The following LDLRAD4 variants were observed in gnomAD, a reference collection of about 807,000 sequenced individuals.
LDLRAD4 encodes the protein low-density lipoprotein receptor class A domain-containing protein 4.
Under a neutral mutation model 17.0 loss-of-function variants are expected in LDLRAD4, and 5 were observed. The ratio of observed to expected loss-of-function variants is 0.29; its 90% CI spans 0.15 to 0.62. LDLRAD4 has a LOEUF of 0.62. Among genes scored for constraint, LDLRAD4 ranks in the 20% least tolerant of loss-of-function variants. LDLRAD4 has a pLI of 0.84. For synonymous variants in LDLRAD4, 168 were observed against 171.8 expected (o/e 0.98, Z 0.17); for missense variants, 340 against 424.7 (o/e 0.80, Z 1.75).
intron 3 of LDLRAD4, among the ~76,000 whole-genome samples, chr18:13,481,748 G>A (rs1185301190): frequency 6.6e-6 from 1 of 152,214 alleles, no homozygotes; most frequent in African/African-American, 2.4e-5. Flanking sequence ...ATCCAGGCAG[G>A]GCAGCCATGT....
intron 3 of LDLRAD4, among the ~76,000 whole-genome samples, chr18:13,573,938 A>G (rs1248858252): frequency 2.0e-5 from 3 of 152,168 alleles, no homozygotes; most frequent in Non-Finnish European, 2.9e-5. Context: ...CTGGTCAGGA[A>G]CCTCATGAAA....
chr18:13,379,522 G>A (rs1015200757), intron 1 of LDLRAD4, among the ~76,000 whole-genome samples: 1 of 152,226 alleles, frequency 6.6e-6, no homozygotes, highest in African/African-American at 2.4e-5. Flanking sequence ...ACAAGGATCT[G>A]GGCCCCATGG....
At chr18:13,493,827 C>T (rs2093407304) in intron 3 of LDLRAD4, among the ~76,000 whole-genome samples, 1 of 152,204 alleles carries the variant, frequency 6.6e-6, no homozygotes, top group African/African-American at 2.4e-5. Context: ...CCGTGCCGTC[C>T]CTGCCTCCAG....
chr18:13,277,889 G>T (rs2044991097), upstream of LDLRAD4, among the ~76,000 whole-genome samples: 1 of 152,164 alleles, frequency 6.6e-6, no homozygotes, highest in African/African-American at 2.4e-5. Context: ...GGAGGCAGAG[G>T]GGGATTTTGT....
chr18:13,264,940 A>G (rs1034086690), intron 1 of LDLRAD4, among the ~76,000 whole-genome samples: 2 of 152,138 alleles, frequency 1.3e-5, no homozygotes, highest in African/African-American at 4.8e-5. Flanking sequence ...GACGTTGGCA[A>G]ATTGATCTGT....
intron 1 of LDLRAD4, among the ~76,000 whole-genome samples, chr18:13,270,696 G>A (rs1022601642): frequency 1.3e-5 from 2 of 152,202 alleles, no homozygotes; most frequent in Non-Finnish European, 2.9e-5. Context: ...GTTGTGCTGC[G>A]AGGGATCCTT....
chr18:13,230,635 G>A (rs2042023761), intron 1 of LDLRAD4, among the ~76,000 whole-genome samples: 1 of 151,950 alleles, frequency 6.6e-6, no homozygotes, highest in South Asian at 2.1e-4. Flanking sequence ...ACAGGGGGAG[G>A]GCAGGGCGGG....
At chr18:13,605,960 G>A (rs932669426) in intron 3 of LDLRAD4, among the ~76,000 whole-genome samples, 8 of 152,128 alleles carry the variant, frequency 5.3e-5, no homozygotes, top group Admixed American at 5.2e-4. Flanking sequence ...GTCTGGGCGG[G>A]GCTCAAGATC....
chr18:13,388,725 C>CT (rs1289044684), intron 2 of LDLRAD4, among the ~76,000 whole-genome samples: 2 of 152,220 alleles, frequency 1.3e-5, no homozygotes, highest in Non-Finnish European at 2.9e-5. Flanking sequence ...GCCTTGCACT[C>CT]CTCCGCAGTC....
chr18:13,643,445 G>A, intron 5 of LDLRAD4, 33 bp downstream of exon 6: 3 of 686,240 alleles, frequency 4.4e-6, no homozygotes, highest in South Asian at 9.2e-5. Flanking sequence ...GGCTGCGGGG[G>A]GCGGGGGGGG....
chr18:13,430,545 G>A (rs1189262987), intron 2 of LDLRAD4, among the ~76,000 whole-genome samples: 6 of 152,084 alleles, frequency 3.9e-5, no homozygotes, highest in African/African-American at 1.2e-4. Flanking sequence ...GTGAGATCCC[G>A]GAACAAGCAA....
intron 3 of LDLRAD4, chr18:13,488,606 T>TA (rs1418119436): frequency 2.0e-5 from 3 of 152,260 alleles, no homozygotes; most frequent in African/African-American, 7.2e-5. Flanking sequence ...CAGGCGTTTT[T>TA]AGTTGTAACA....
At position 13,562,821 on chromosome 18, in the gene LDLRAD4, C is replaced by T. The variant is rs2094555820; in HGVS notation, c.182-58296C>T. 3 of 152,264 alleles carry T rather than the reference C, an allele frequency of 2.0e-5. No individual in the cohort carries two copies. In the South Asian group the frequency reaches 6.2e-4, roughly 32 times the overall value. The allele number at this position is 152,264 out of a possible 1,614,324, so 9.4% of individuals were successfully genotyped here. ...CGCCTACCCCTCCCACCCAAGGAATCTCTGCTTCCCGGGCTGTGCCCTCCT... is the reference window on the plus strand; with the variant it reads ...CGCCTACCCCTCCCACCCAAGGAATTTCTGCTTCCCGGGCTGTGCCCTCCT... On this transcript the variant is annotated intron_variant, in intron 3 of 5. Transcript: ENST00000359446.
chr18:13,571,034 G>A (rs1477436077), intron 3 of LDLRAD4, among the ~76,000 whole-genome samples: 1 of 152,094 alleles, frequency 6.6e-6, no homozygotes, highest in Non-Finnish European at 1.5e-5. Context: ...TGCCCAGGCT[G>A]GCCTCAAACT....
chr18:13,580,145 C>T (rs767881668), intron 3 of LDLRAD4, among the ~76,000 whole-genome samples: 3 of 152,222 alleles, frequency 2.0e-5, no homozygotes, highest in African/African-American at 4.8e-5. Context: ...CTTGCTCCCA[C>T]TTCCTGTGTT....
intron 1 of LDLRAD4, among the ~76,000 whole-genome samples, chr18:13,347,519 T>C (rs537933327): frequency 4.6e-5 from 7 of 152,324 alleles, no homozygotes; most frequent in African/African-American, 1.4e-4. Context: ...TTCCTTCATT[T>C]CAACTTTGGT....
intron 1 of LDLRAD4, among the ~76,000 whole-genome samples, chr18:13,222,635 G>A (rs900953423): frequency 6.6e-6 from 1 of 152,214 alleles, no homozygotes; most frequent in Non-Finnish European, 1.5e-5. Flanking sequence ...TCTGCCTGCC[G>A]CCTAGAATTC....
intron 2 of LDLRAD4, among the ~76,000 whole-genome samples, chr18:13,414,822 C>T (rs2145753275): frequency 6.6e-6 from 1 of 152,308 alleles, no homozygotes; most frequent in South Asian, 2.1e-4. Context: ...CAGTAAACTC[C>T]CTGATTATCA....
intron 1 of LDLRAD4, among the ~76,000 whole-genome samples, chr18:13,236,685 C>A (rs1316499381): frequency 6.6e-6 from 1 of 152,134 alleles, no homozygotes; most frequent in East Asian, 1.9e-4. Context: ...CTGTGTGGGG[C>A]TCGGTCCGTG....
Sources: allele counts gnomAD v4.1 joint callset (sites outside exome capture counted in the v4.1 genomes callset), GRCh38; gene constraint gnomAD v4.1.1; transcripts MANE v1.5; gene names NCBI Gene and HGNC (gene_info 2026-07-23, HGNC 2026-07-21).